Variants in HAVCR1 observed in about 807,000 individuals in gnomAD.
The protein encoded by HAVCR1 is hepatitis A virus cellular receptor 1.
In HAVCR1, 34 loss-of-function variants were observed where a neutral mutation model predicts 32.0. The observed-to-expected ratio is 1.06, with a 90% CI of 0.81 to 1.42. HAVCR1 has a LOEUF of 1.42. HAVCR1 is among the 40% of genes most tolerant of loss of function. HAVCR1 has a pLI of 0.00. For missense variants in HAVCR1, 420 were observed against 442.3 expected (o/e 0.95, Z 0.45); for synonymous variants, 178 against 170.3 (o/e 1.05, Z -0.35).
At chr5:157,044,423 G>GGAGAAAGA (rs1561589918) in intron 5 of HAVCR1, among the ~76,000 whole-genome samples, 5 of 13,654 alleles carry the variant, frequency 3.7e-4, no homozygotes, top group Admixed American at 1.2e-3. Context: ...GAAGGAAGGA[G>GGAGAAAGA]AAAGAAAGAA....
At chr5:157,056,197 T>C (rs1369370292) in intron 2 of HAVCR1, among the ~76,000 whole-genome samples, 2 of 151,996 alleles carry the variant, frequency 1.3e-5, no homozygotes, top group Non-Finnish European at 2.9e-5. Flanking sequence ...CCCAAAGTGC[T>C]GGGATTACAG....
chr5:157,055,668 C>T (rs1453696399), intron 2 of HAVCR1, 135 bp from the exon 3 acceptor site: 1 of 546,768 alleles, frequency 1.8e-6, no homozygotes, highest in East Asian at 2.8e-5. Context: ...GAGTTCAAGA[C>T]CAGCCTAGCC....
chr5:157,036,590 A>C (rs12108834), intron 7 of HAVCR1, among the ~76,000 whole-genome samples: 5,513 of 152,344 alleles, frequency 0.036, 228 homozygotes, highest in African/African-American at 0.1. Flanking sequence ...TGTAACTTCC[A>C]TGAGATTTAT....
rs371758753 is a variant in HAVCR1 at position 157,053,869 on chromosome 5, C to CA, written c.380-1216dup. 1.0e-3 allele frequency among the ~76,000 whole-genome samples: 156 copies of CA among 149,124 alleles called. 1 individual carries two copies. Among genetic ancestry groups the CA allele is most frequent in the African/African-American group, 3.7e-3 (147 of 40,262 alleles). ...TGGGCGACAGAGAAAGACTCTGTCT[C>CA]AAAAAAACAAAACAAAAAGTCAGCA... On this transcript the variant is annotated intron_variant, in intron 3 of 8. Transcript: ENST00000523175.
At chr5:157,067,598 G>T in the HAVCR1 span, among the ~76,000 whole-genome samples, 1 of 152,178 alleles carries the variant, frequency 6.6e-6, no homozygotes, top group African/African-American at 2.4e-5. Context: ...TTGAGCAGGG[G>T]TCAAGGCTGC....
chr5:157,043,565 T>G (rs185331052), intron 5 of HAVCR1, among the ~76,000 whole-genome samples: 6 of 152,232 alleles, frequency 3.9e-5, no homozygotes, highest in East Asian at 3.9e-4. Context: ...GCTACTCGGA[T>G]GGCTGAGGTA....
At chr5:157,038,924 G>C (rs1489502949) in intron 6 of HAVCR1, among the ~76,000 whole-genome samples, 1 of 152,192 alleles carries the variant, frequency 6.6e-6, no homozygotes, top group African/African-American at 2.4e-5. Context: ...GAGCCCAGGA[G>C]TTTGAGACCA....
chr5:157,040,024 C>T (rs565265619), intron 6 of HAVCR1, among the ~76,000 whole-genome samples: 30 of 152,288 alleles, frequency 2.0e-4, no homozygotes, highest in Admixed American at 1.6e-3. Flanking sequence ...CGGCCAGGCG[C>T]GGTAGCTCAC....
intron 6 of HAVCR1, among the ~76,000 whole-genome samples, 181 bp downstream of exon 6, chr5:157,042,441 CAAAAA>C (rs144701880): frequency 1.8e-5 from 2 of 113,312 alleles, no homozygotes. Context: ...GACTCCGTCT[CAAAAA>C]AAAAAAAAAA....
In HAVCR1 at chr5:157,029,451, G is replaced by T; in HGVS notation, c.*282C>A. ...ATACAGGATTTATGGGGTCTAAAAA[G>T]AACATACAATTATAAAGTGTTCATA... On this transcript the variant is annotated 3_prime_UTR_variant, in exon 9 of 9. Coordinates refer to ENST00000523175, the MANE Select transcript of HAVCR1 (RefSeq NM_001173393.3). The T allele has an allele frequency of 3.1e-6, 2 of 655,656 alleles. No homozygotes were observed. Among genetic ancestry groups the T allele is most frequent in the Non-Finnish European group, 2.6e-6 (1 of 383,938 alleles). 40.6% of individuals were successfully genotyped at this position (655,656 alleles called of 1,614,324 possible).
the HAVCR1 span, among the ~76,000 whole-genome samples, chr5:157,065,383 C>A: frequency 6.6e-6 from 1 of 152,114 alleles, no homozygotes; most frequent in Non-Finnish European, 1.5e-5. Flanking sequence ...CAAAGGAATG[C>A]CTGATGCTAA....
intron 7 of HAVCR1, among the ~76,000 whole-genome samples, chr5:157,036,322 A>T (rs1038872351): frequency 2.6e-5 from 4 of 152,192 alleles, no homozygotes; most frequent in African/African-American, 9.6e-5. Context: ...ACTAAAAAAT[A>T]CAAAAAATTA....
At chr5:157,046,505 A>G (rs35931650) in intron 5 of HAVCR1, among the ~76,000 whole-genome samples, 35,773 of 152,166 alleles carry the variant, frequency 0.24, 4,563 homozygotes, top group Middle Eastern at 0.35. Flanking sequence ...TGTTTGGAGC[A>G]GAGTAGCAGG....
At chr5:157,068,800 C>T in the HAVCR1 span, among the ~76,000 whole-genome samples, 2 of 152,006 alleles carry the variant, frequency 1.3e-5, no homozygotes, top group South Asian at 2.1e-4. Context: ...ATTTTTCAGG[C>T]GGATCTCACT....
At chr5:157,036,027 G>A (rs1485626971) in intron 7 of HAVCR1, among the ~76,000 whole-genome samples, 2 of 152,134 alleles carry the variant, frequency 1.3e-5, no homozygotes, top group South Asian at 2.1e-4. Flanking sequence ...AATCCCCCAA[G>A]GGTACTGAGG....
chr5:157,064,339 CAAA>C, the HAVCR1 span, among the ~76,000 whole-genome samples: 2 of 63,382 alleles, frequency 3.2e-5, no homozygotes, highest in Admixed American at 1.5e-4. Flanking sequence ...CCTGTCTCTA[CAAA>C]AAAAAAAAAA....
intron 7 of HAVCR1, among the ~76,000 whole-genome samples, chr5:157,034,172 A>T (rs1754379434): frequency 6.6e-6 from 1 of 152,104 alleles, no homozygotes; most frequent in African/African-American, 2.4e-5. Context: ...GAGTTCCCTC[A>T]GTATTTATTG....
At chr5:157,057,439 G>T (rs1756262257) in intron 2 of HAVCR1, among the ~76,000 whole-genome samples, 1 of 138,808 alleles carries the variant, frequency 7.2e-6, no homozygotes, top group African/African-American at 2.6e-5. Context: ...AAGAAAGAAA[G>T]AAAGAAAGAA....
chr5:157,051,526 T>C (rs1038300219), intron 4 of HAVCR1, among the ~76,000 whole-genome samples: 2 of 152,122 alleles, frequency 1.3e-5, no homozygotes, highest in African/African-American at 4.8e-5. Context: ...TCTATCTGTG[T>C]AAATTTCTTT....
Sources: allele counts gnomAD v4.1 joint callset (sites outside exome capture counted in the v4.1 genomes callset), GRCh38; gene constraint gnomAD v4.1.1; transcripts MANE v1.5; gene names NCBI Gene and HGNC (gene_info 2026-07-23, HGNC 2026-07-21).